SPECC1L: variants seen among roughly 807,000 people sequenced by gnomAD.
SPECC1L encodes sperm antigen with calponin homology and coiled-coil domains 1 like, also known as cytospin-A.
A neutral mutation model predicts 116.8 loss-of-function variants in SPECC1L; 40 were observed. The observed-to-expected ratio is 0.34, with a 90% confidence interval of 0.27 to 0.45. SPECC1L has a LOEUF of 0.45. SPECC1L is among the 20% of genes least tolerant of loss of function. The pLI, the probability that SPECC1L is intolerant of heterozygous loss-of-function variation, is 1.00. For missense variants in SPECC1L, 1,110 were observed against 1,373.6 expected (o/e 0.81, Z 3.03); for synonymous variants, 504 against 500.6 (o/e 1.01, Z -0.09).
intron 11 of SPECC1L, among the ~76,000 whole-genome samples, chr22:24,356,457 G>A (rs1426417109): frequency 6.6e-6 from 1 of 152,048 alleles, no homozygotes; most frequent in East Asian, 1.9e-4. Flanking sequence ...CCCTTGTTCT[G>A]AAGTCTTTCT....
chr22:24,332,739 T>G (rs891883700), intron 8 of SPECC1L, among the ~76,000 whole-genome samples: 5 of 152,148 alleles, frequency 3.3e-5, no homozygotes, highest in African/African-American at 1.2e-4. Flanking sequence ...ACTTAGTTAT[T>G]TTTCATAAAA....
At chr22:24,300,067 A>G (rs940002990) in intron 2 of SPECC1L, among the ~76,000 whole-genome samples, 1 of 152,266 alleles carries the variant, frequency 6.6e-6, no homozygotes, top group Non-Finnish European at 1.5e-5. Context: ...CAGGTTTGTT[A>G]CATAGGTATA....
chr22:24,345,290 T>A (rs1430991779), intron 10 of SPECC1L, among the ~76,000 whole-genome samples: 1 of 152,202 alleles, frequency 6.6e-6, no homozygotes, highest in Non-Finnish European at 1.5e-5. Flanking sequence ...GCCCGTACCT[T>A]ATGAAATACA....
At chr22:24,351,372 G>A (rs1017220804) in intron 11 of SPECC1L, among the ~76,000 whole-genome samples, 1 of 152,268 alleles carries the variant, frequency 6.6e-6, no homozygotes, top group African/African-American at 2.4e-5. Flanking sequence ...GTGGAGAATG[G>A]GTGTGGAAGG....
Position 24,393,117 on chromosome 22 carries a change from G to A in SPECC1L, c.3088-18471G>A, listed in dbSNP as rs151306591. Among the ~76,000 whole-genome samples, 26 of 152,300 alleles carry A rather than the reference G, an allele frequency of 1.7e-4. No individual in the cohort carries two copies. In the East Asian group the frequency reaches 4.8e-3, roughly 28 times the overall value. On this transcript the variant is annotated intron_variant, in intron 14 of 16. Transcript: ENST00000314328. ...AGTTACAAGGGGAAGGGAAATAGGC[G>A]CCACCTTTTGATGGGGCATAGGAGG...
chr22:24,355,435 C>G (rs1261806239), intron 11 of SPECC1L, among the ~76,000 whole-genome samples: 2 of 152,034 alleles, frequency 1.3e-5, no homozygotes, highest in African/African-American at 2.4e-5. Context: ...TCCTGTCTGT[C>G]TGTCTGTCTA....
intron 7 of SPECC1L, 71 bp from the exon 8 acceptor site, chr22:24,330,181 TAAAC>T (rs2040911380): frequency 9.3e-6 from 14 of 1,498,220 alleles, no homozygotes; most frequent in African/African-American, 1.4e-5. Context: ...AATCCAATCA[TAAAC>T]AAATTTTATT....
chr22:24,346,957 A>T (rs2041308611), intron 10 of SPECC1L, 129 bp from the exon 11 acceptor site: 6 of 783,508 alleles, frequency 7.7e-6, no homozygotes, highest in Non-Finnish European at 1.3e-5. Flanking sequence ...AAGGTGTGTT[A>T]CAACCTTACT....
intron 1 of SPECC1L, among the ~76,000 whole-genome samples, 192 bp downstream of exon 1, chr22:24,271,175 G>A (rs981741438): frequency 6.6e-6 from 1 of 152,238 alleles, no homozygotes; most frequent in African/African-American, 2.4e-5. Context: ...CCTCGTTCTG[G>A]GCTTCGGGGC....
At chr22:24,302,682 A>G (rs558202864) in intron 3 of SPECC1L, among the ~76,000 whole-genome samples, 1 of 152,312 alleles carries the variant, frequency 6.6e-6, no homozygotes, top group African/African-American at 2.4e-5. Flanking sequence ...TGTGGAGGAA[A>G]GGGTGGAGGC....
At chr22:24,348,287 A>T (rs946366750) in intron 11 of SPECC1L, among the ~76,000 whole-genome samples, 1 of 152,222 alleles carries the variant, frequency 6.6e-6, no homozygotes, top group Non-Finnish European at 1.5e-5. Context: ...AGAAGGCTTC[A>T]ACAGGTTTTG....
chr22:24,329,315 G>A (rs1275655581), intron 7 of SPECC1L, among the ~76,000 whole-genome samples: 1 of 152,184 alleles, frequency 6.6e-6, no homozygotes, highest in Non-Finnish European at 1.5e-5. Context: ...AAATGCTTTT[G>A]GATAAGTGAT....
chr22:24,408,127 C>T (rs531773946), intron 14 of SPECC1L, among the ~76,000 whole-genome samples: 2 of 152,308 alleles, frequency 1.3e-5, no homozygotes, highest in East Asian at 3.9e-4. Context: ...CTGTCCTGTC[C>T]TGTCTTCTCT....
At chr22:24,413,792 A>T (rs771614509) in intron 16 of SPECC1L, among the ~76,000 whole-genome samples, 9 of 152,156 alleles carry the variant, frequency 5.9e-5, no homozygotes, top group Non-Finnish European at 1.3e-4. Flanking sequence ...CGTTTTCTGC[A>T]TCAAGTCACC....
intron 14 of SPECC1L, among the ~76,000 whole-genome samples, chr22:24,371,258 C>T (rs1163514545): frequency 1.3e-5 from 2 of 152,090 alleles, no homozygotes; most frequent in Non-Finnish European, 2.9e-5. Context: ...CTCAGGTGCA[C>T]ATGGAAGATT....
chr22:24,354,443 A>G (rs903982076), intron 11 of SPECC1L, among the ~76,000 whole-genome samples: 20 of 152,026 alleles, frequency 1.3e-4, no homozygotes, highest in African/African-American at 4.4e-4. Context: ...ACTCATGGAT[A>G]TTTGTTCTTT....
chr22:24,390,864 T>TTTTTTTTTTTTTTTTTTTA (rs1569445719), intron 14 of SPECC1L, among the ~76,000 whole-genome samples: 1 of 67,410 alleles, frequency 1.5e-5, no homozygotes, highest in African/African-American at 5.2e-5. Context: ...TTTTTTTTTT[T>TTTTTTTTTTTTTTTTTTTA]TTCTTTTCTT....
intron 1 of SPECC1L, 64 bp downstream of exon 1, chr22:24,271,047 C>A (rs1270462114): frequency 1.3e-5 from 2 of 152,490 alleles, no homozygotes; most frequent in African/African-American, 4.8e-5. Context: ...CTCAGCGCCG[C>A]CCGCGCTGCC....
intron 2 of SPECC1L, among the ~76,000 whole-genome samples, chr22:24,294,827 G>T (rs2049227373): frequency 6.6e-6 from 1 of 152,156 alleles, no homozygotes; most frequent in South Asian, 2.1e-4. Context: ...TAACTTTTTA[G>T]TAGTCAGGAT....
Sources: gnomAD v4.1 joint callset for allele counts (sites outside exome capture counted in the v4.1 genomes callset) on GRCh38, gnomAD v4.1.1 for gene constraint, MANE v1.5 for transcripts, NCBI Gene and HGNC (gene_info 2026-07-23, HGNC 2026-07-21) for gene names.